CARMIL1: variants seen among roughly 807,000 people sequenced by gnomAD.
CARMIL1 encodes capping protein regulator and myosin 1 linker 1, also known as F-actin-uncapping protein LRRC16A.
Under a neutral mutation model 177.1 loss-of-function variants are expected in CARMIL1, and 90 were observed. The observed-to-expected ratio is 0.51, with a 90% CI of 0.43 to 0.61. The LOEUF (loss-of-function observed/expected upper bound fraction) is 0.61. Ranked by LOEUF, CARMIL1 falls within the 20% of genes least tolerant of loss-of-function variation. The pLI is 0.00. For synonymous variants in CARMIL1, 577 were observed against 606.2 expected (o/e 0.95, Z 0.71); for missense variants, 1,380 against 1,667.0 (o/e 0.83, Z 3.00).
intron 8 of CARMIL1, among the ~76,000 whole-genome samples, chr6:25,465,071 CAAA>C (rs558022196): frequency 2.7e-4 from 17 of 61,976 alleles, no homozygotes; most frequent in Admixed American, 5.2e-4. Flanking sequence ...AGAACTAAAG[CAAA>C]AAAAAAAAAA....
chr6:25,351,776 T>C (rs1049577917), intron 2 of CARMIL1, among the ~76,000 whole-genome samples: 1 of 152,128 alleles, frequency 6.6e-6, no homozygotes, highest in East Asian at 1.9e-4. Context: ...TAATGGACGA[T>C]GATGATGCAC....
At chr6:25,283,490 T>C (rs1387287688) in intron 1 of CARMIL1, among the ~76,000 whole-genome samples, 1 of 152,164 alleles carries the variant, frequency 6.6e-6, no homozygotes, top group Non-Finnish European at 1.5e-5. Context: ...GCAACATTAG[T>C]GTCCAGAGTA....
chr6:25,285,066 T>G (rs1278277817), intron 2 of CARMIL1, among the ~76,000 whole-genome samples, 157 bp downstream of exon 2: 1 of 152,214 alleles, frequency 6.6e-6, no homozygotes, highest in African/African-American at 2.4e-5. Context: ...GAATATTTCT[T>G]TGTCAAAAGT....
intron 2 of CARMIL1, among the ~76,000 whole-genome samples, chr6:25,292,579 C>G (rs138149691): frequency 1.0e-3 from 153 of 152,280 alleles, no homozygotes; most frequent in African/African-American, 3.3e-3. Context: ...GAACTTGTTA[C>G]CTGAGCTGCA....
intron 2 of CARMIL1, among the ~76,000 whole-genome samples, chr6:25,309,959 G>A (rs1234261976): frequency 6.6e-6 from 1 of 151,746 alleles, no homozygotes; most frequent in Non-Finnish European, 1.5e-5. Context: ...TAGTAGAGGT[G>A]GGGCTTCACC....
intron 1 of CARMIL1, among the ~76,000 whole-genome samples, 176 bp downstream of exon 1, chr6:25,280,011 G>A (rs111674194): frequency 0.018 from 2,758 of 152,260 alleles, 72 homozygotes; most frequent in African/African-American, 0.062. Context: ...CCGACCGCCT[G>A]TAGAGCCAAG....
chr6:25,391,949 A>G (rs1792859341), intron 2 of CARMIL1, among the ~76,000 whole-genome samples: 1 of 152,222 alleles, frequency 6.6e-6, no homozygotes, highest in Non-Finnish European at 1.5e-5. Context: ...GAGAAACTCA[A>G]TGACAGAGTT....
intron 8 of CARMIL1, among the ~76,000 whole-genome samples, chr6:25,452,893 G>A (rs1799122380): frequency 6.6e-6 from 1 of 152,196 alleles, no homozygotes; most frequent in Non-Finnish European, 1.5e-5. Flanking sequence ...ACAAGTGGTG[G>A]TTTCTTAAAG....
chr6:25,321,649 A>T (rs1784679034), intron 2 of CARMIL1, among the ~76,000 whole-genome samples: 1 of 149,436 alleles, frequency 6.7e-6, no homozygotes, highest in Non-Finnish European at 1.5e-5. Context: ...TATTTCACTT[A>T]TTTATTAATT....
chr6:25,529,297 GA>G (rs1264564889), intron 24 of CARMIL1, among the ~76,000 whole-genome samples: 3 of 151,250 alleles, frequency 2.0e-5, no homozygotes, highest in South Asian at 2.1e-4. Context: ...ATTAAAAAAA[GA>G]AAAAAAATTC....
In CARMIL1 at chr6:25,318,862, C is replaced by G. The variant is rs183171224; in HGVS notation, c.138+33953C>G. Among the ~76,000 whole-genome samples, 66 of 152,298 alleles carry G rather than the reference C, an allele frequency of 4.3e-4. 2 individuals are homozygous for G. The East Asian group carries it at 0.012, about 28-fold the overall frequency. On this transcript the variant is annotated intron_variant, in intron 2 of 36. Transcript: ENST00000329474. Reference sequence around the variant, plus strand: ...TTGCCCTGGTTTGTGAGGTGCTCAACAGCAGGGACAGATGCAATCAGAGAA... The same window carrying G: ...TTGCCCTGGTTTGTGAGGTGCTCAAGAGCAGGGACAGATGCAATCAGAGAA...
chr6:25,584,940 C>T (rs1460779763), intron 31 of CARMIL1, among the ~76,000 whole-genome samples: 1 of 152,156 alleles, frequency 6.6e-6, no homozygotes, highest in Non-Finnish European at 1.5e-5. Context: ...CACAATGAAG[C>T]CAGGACTCAC....
chr6:25,412,347 C>T (rs772802734), intron 2 of CARMIL1, among the ~76,000 whole-genome samples: 6 of 152,264 alleles, frequency 3.9e-5, no homozygotes, highest in African/African-American at 9.6e-5. Flanking sequence ...TTTGGGAGGC[C>T]GAGCTGGGAG....
intron 35 of CARMIL1, among the ~76,000 whole-genome samples, chr6:25,609,821 G>C (rs1816351617): frequency 6.6e-6 from 1 of 152,192 alleles, no homozygotes; most frequent in Non-Finnish European, 1.5e-5. Context: ...CTACAGGATA[G>C]ATTCATATTT....
At chr6:25,300,421 G>C (rs114836118) in intron 2 of CARMIL1, among the ~76,000 whole-genome samples, 4,249 of 152,220 alleles carry the variant, frequency 0.028, 73 homozygotes, top group Non-Finnish European at 0.038. Flanking sequence ...AATCCCAGCA[G>C]TTTGGAAGGC....
intron 2 of CARMIL1, among the ~76,000 whole-genome samples, chr6:25,351,996 T>C (rs1179576115): frequency 6.6e-6 from 1 of 152,162 alleles, no homozygotes; most frequent in Non-Finnish European, 1.5e-5. Flanking sequence ...AGATTTTTTT[T>C]CTATTCACTA....
At chr6:25,526,599 C>T (rs1217789898) in intron 23 of CARMIL1, among the ~76,000 whole-genome samples, 1 of 151,602 alleles carries the variant, frequency 6.6e-6, no homozygotes, top group Non-Finnish European at 1.5e-5. Context: ...GTCATCCAGG[C>T]CAGAGTACAG....
chr6:25,429,343 A>C (rs753350931), intron 4 of CARMIL1, among the ~76,000 whole-genome samples: 6 of 152,216 alleles, frequency 3.9e-5, no homozygotes, highest in Non-Finnish European at 8.8e-5. Flanking sequence ...TGTGGTACAC[A>C]TGCCTTTTGT....
At chr6:25,378,169 G>A (rs1283398689) in intron 2 of CARMIL1, among the ~76,000 whole-genome samples, 1 of 152,150 alleles carries the variant, frequency 6.6e-6, no homozygotes, top group Non-Finnish European at 1.5e-5. Flanking sequence ...CATGGAGAAT[G>A]GGGAGTAGCA....
Sources: allele counts gnomAD v4.1 joint callset (sites outside exome capture counted in the v4.1 genomes callset), GRCh38; gene constraint gnomAD v4.1.1; transcripts MANE v1.5; gene names NCBI Gene and HGNC (gene_info 2026-07-23, HGNC 2026-07-21).